The following KCNJ2 variants were observed in gnomAD, a reference collection of about 807,000 sequenced individuals.
The protein encoded by KCNJ2 is potassium inwardly rectifying channel subfamily J member 2.
KCNJ2 carries 12 observed loss-of-function variants against 28.4 expected under a neutral mutation model. The ratio of observed to expected loss-of-function variants is 0.42; its 90% CI spans 0.27 to 0.68. The LOEUF is 0.68. Ranked by LOEUF, KCNJ2 falls within the 30% of genes least tolerant of loss-of-function variation. The pLI, the probability that KCNJ2 is intolerant of heterozygous loss-of-function variation, is 0.23. For synonymous variants in KCNJ2, 200 were observed against 203.2 expected (o/e 0.98, Z 0.13); for missense variants, 320 against 551.3 (o/e 0.58, Z 4.20).
rs2074406809 is a variant in KCNJ2, at chr17:70,178,189, T to C, written c.*1866T>C. ...TAGAATCATGTATTTTGTAAACTGATGTTTGTGATGGTCTCTGGTTCTTGA... is the reference window on the plus strand; with the variant it reads ...TAGAATCATGTATTTTGTAAACTGACGTTTGTGATGGTCTCTGGTTCTTGA... On this transcript the variant is annotated 3_prime_UTR_variant, in exon 2 of 2. Coordinates refer to ENST00000243457, the MANE Select transcript of KCNJ2 (RefSeq NM_000891.3). 6.0e-6 allele frequency: 1 copy of C among 167,058 alleles called. No homozygotes were observed. Among genetic ancestry groups the C allele is most frequent in the African/African-American group, 2.4e-5 (1 of 41,430 alleles). The allele number at this position is 167,058 out of a possible 1,614,324, so 10.3% of individuals were successfully genotyped here. A position where few individuals can be genotyped will look rare whatever the true frequency, so the allele number is the denominator to read the frequency against.
At position 70,175,332 on chromosome 17, in the gene KCNJ2, T is replaced by G; in HGVS notation, c.293T>G (p.Phe98Cys). The change falls in exon 2 of 2, where the codon TTT becomes TGT. Residue 98 changes from phenylalanine to cysteine, a missense_variant. Transcript: ENST00000243457. The surrounding 1 kb of genome is among the most constrained non-coding windows in gnomAD (Gnocchi z 8.3). ...FCLAFVLSWL[F>C]FGCVFWLIAL... ...CTGGCTTTCGTCCTGTCATGGCTGT[T>G]TTTTGGCTGTGTGTTTTGGTTGATA... is the stretch of plus-strand genomic sequence containing the variant. 1 of 1,614,144 alleles carries G rather than the reference T, an allele frequency of 6.2e-7. No individual in the cohort carries two copies. The highest frequency in any genetic ancestry group is 8.5e-7 in the Non-Finnish European group (1 of 1,180,012).
rs1002762249 is a variant in KCNJ2 at position 70,179,584 on chromosome 17, C to A, written c.*3261C>A. On this transcript the variant is annotated 3_prime_UTR_variant, in exon 2 of 2. Coordinates refer to ENST00000243457, the MANE Select transcript of KCNJ2 (RefSeq NM_000891.3). Reference sequence around the variant, plus strand: ...GTTAATGCATTCTTTCTTCTCTTTACTTCCTTTCTTACCAGTACACTCCTA... The same window carrying A: ...GTTAATGCATTCTTTCTTCTCTTTAATTCCTTTCTTACCAGTACACTCCTA... The A allele has an allele frequency of 6.0e-6, 1 of 166,294 alleles. No homozygotes were observed. Among genetic ancestry groups the A allele is most frequent in the Non-Finnish European group, 1.5e-5 (1 of 68,090 alleles). The allele number at this position is 166,294 out of a possible 1,614,324, so 10.3% of individuals were successfully genotyped here.
intron 1 of KCNJ2, 49 bp from the exon 2 acceptor site, chr17:70,174,775 T>G (rs558495480): frequency 2.6e-4 from 141 of 536,926 alleles, no homozygotes; most frequent in African/African-American, 2.5e-3. Context: ...ACAGTAGAAT[T>G]CTTTAAGAGT....
chr17:70,174,782 G>A, intron 1 of KCNJ2, 42 bp from the exon 2 acceptor site: 1 of 548,084 alleles, frequency 1.8e-6, no homozygotes, highest in Admixed American at 3.1e-5. Flanking sequence ...AATTCTTTAA[G>A]AGTGGCTTAT....
intron 1 of KCNJ2, among the ~76,000 whole-genome samples, chr17:70,170,239 C>T (rs1031898155): frequency 2.0e-5 from 3 of 151,874 alleles, no homozygotes; most frequent in African/African-American, 4.8e-5. Flanking sequence ...AGTTGCCTTC[C>T]TGAAAGAAGA....
In KCNJ2 at chr17:70,175,740, C is replaced by T; in HGVS notation, c.701C>T (p.Ser234Phe). ...EAHVRAQLLK[S>F]RITSEGEYIP... The stretch of plus-strand genomic sequence containing the variant: ...CATGTTCGAGCACAGCTCCTCAAAT[C>T]CAGAATTACTTCTGAAGGGGAGTAT... The change falls in exon 2 of 2, where the codon TCC becomes TTC. Residue 234 changes from serine (S) to phenylalanine (F), a missense_variant. Physicochemically the swap from Ser to Phe is radical, Grantham distance 155. Coordinates refer to ENST00000243457, the MANE Select transcript of KCNJ2 (RefSeq NM_000891.3). This position sits in a 1 kb window ranked among gnomAD's most constrained non-coding sequence, Gnocchi z 8.3. The T allele has an allele frequency of 6.2e-7, 1 of 1,614,170 alleles. No individual in the cohort carries two copies. Among genetic ancestry groups the T allele is most frequent in the Non-Finnish European group, 8.5e-7 (1 of 1,180,024 alleles).
rs772251587 is a variant in KCNJ2, at chr17:70,176,011, C to T, written c.972C>T (p.His324=). The T allele has an allele frequency of 6.2e-7, 1 of 1,614,086 alleles. No homozygotes were observed. Among genetic ancestry groups the T allele is most frequent in the Non-Finnish European group, 8.5e-7 (1 of 1,180,012 alleles). ...SYLANEILWG[H]RYEPVLFEEK... is the part of the protein sequence containing the mutation. ...TAGCAAATGAAATCCTGTGGGGCCA[C>T]CGCTATGAGCCTGTGCTCTTTGAAG... is the stretch of plus-strand genomic sequence containing the variant. Residue 324 remains histidine, a synonymous_variant, in exon 2 of 2, where the codon CAC becomes CAT. Coordinates refer to ENST00000243457, the MANE Select transcript of KCNJ2 (RefSeq NM_000891.3).
In KCNJ2 at chr17:70,176,676, A is replaced by G. The variant is rs1008903280; in HGVS notation, c.*353A>G. 12 of 322,146 alleles carry G rather than the reference A, an allele frequency of 3.7e-5. No homozygotes were observed. Among genetic ancestry groups the G allele is most frequent in the African/African-American group, 2.6e-4 (12 of 46,626 alleles). The allele number at this position is 322,146 out of a possible 1,614,324, so 20.0% of individuals were successfully genotyped here. A position where few individuals can be genotyped will look rare whatever the true frequency, so the allele number is the denominator to read the frequency against. On this transcript the variant is annotated 3_prime_UTR_variant, in exon 2 of 2. Coordinates refer to ENST00000243457, the MANE Select transcript of KCNJ2 (RefSeq NM_000891.3). ...GAACAAGGATGTTTTTAATGGCATA[A>G]CAAAGGCAAGACTCTGCCTTAATTT... is the stretch of plus-strand genomic sequence containing the variant.
In KCNJ2 at chr17:70,177,925, C is replaced by T. The variant is rs1286258327; in HGVS notation, c.*1602C>T. On this transcript the variant is annotated 3_prime_UTR_variant, in exon 2 of 2. Transcript: ENST00000243457. The stretch of plus-strand genomic sequence containing the variant: ...TCCTGTGGAGCCCTAGAGCAGGTTA[C>T]TAAGGAAGGACACATTGTTTTCCAG... The T allele has an allele frequency of 6.0e-6, 1 of 166,604 alleles. No individual in the cohort carries two copies. The highest frequency in any genetic ancestry group is 2.4e-5 in the African/African-American group (1 of 41,392). 10.3% of individuals were successfully genotyped at this position (166,604 alleles called of 1,614,324 possible). A position where few individuals can be genotyped will look rare whatever the true frequency, so the allele number is the denominator to read the frequency against.
chr17:70,173,068 T>G (rs1166909037), intron 1 of KCNJ2, among the ~76,000 whole-genome samples: 1 of 152,172 alleles, frequency 6.6e-6, no homozygotes, highest in African/African-American at 2.4e-5. Context: ...ATCATTTAGG[T>G]GTCAAAAGCT....
chr17:70,171,569 T>G (rs949191505), intron 1 of KCNJ2, among the ~76,000 whole-genome samples: 2 of 152,202 alleles, frequency 1.3e-5, no homozygotes. Context: ...TTGGAAGTAT[T>G]ACCTATATAG....
At position 70,177,589 on chromosome 17, in the gene KCNJ2, C is replaced by T. The variant is rs9894677; in HGVS notation, c.*1266C>T. 9,571 of 167,266 alleles carry T rather than the reference C, an allele frequency of 0.057. 1,017 individuals are homozygous for T. Among genetic ancestry groups the T allele is most frequent in the African/African-American group, 0.22 (9,061 of 41,524 alleles). The allele number at this position is 167,266 out of a possible 1,614,324, so 10.4% of individuals were successfully genotyped here. A position where few individuals can be genotyped will look rare whatever the true frequency, so the allele number is the denominator to read the frequency against. Reference sequence around the variant, plus strand: ...GGGAAGATGCCACACCTGGCCTCCACACTTGCTCTTCTGATCAGTCTGTCT... The same window carrying T: ...GGGAAGATGCCACACCTGGCCTCCATACTTGCTCTTCTGATCAGTCTGTCT... On this transcript the variant is annotated 3_prime_UTR_variant, in exon 2 of 2. Coordinates refer to ENST00000243457, the MANE Select transcript of KCNJ2 (RefSeq NM_000891.3).
chr17:70,174,962 A>G lies in KCNJ2; in HGVS notation c.-78A>G. 1 of 1,423,808 alleles carries G rather than the reference A, an allele frequency of 7.0e-7. No homozygotes were observed. The highest frequency in any genetic ancestry group is 9.8e-7 in the Non-Finnish European group (1 of 1,021,422). 88.2% of individuals were successfully genotyped at this position (1,423,808 alleles called of 1,614,324 possible). On this transcript the variant is annotated 5_prime_UTR_variant, in exon 2 of 2. Coordinates refer to ENST00000243457, the MANE Select transcript of KCNJ2 (RefSeq NM_000891.3). ...TGTGTGTGTCTTCACCGAACATTCA[A>G]AACTGTTTCTCCAAAGCGTTTTGCA...
rs2074397850 is a variant in KCNJ2, at chr17:70,177,136, C to T, written c.*813C>T. ...AAATCAAGAGACAATAACTTTGAAC[C>T]TCAGCAAGACCTTGAACCGCCGGTT... On this transcript the variant is annotated 3_prime_UTR_variant, in exon 2 of 2. Coordinates refer to ENST00000243457, the MANE Select transcript of KCNJ2 (RefSeq NM_000891.3). The T allele has an allele frequency of 6.0e-6, 1 of 167,136 alleles. No homozygotes were observed. The highest frequency in any genetic ancestry group is 2.1e-4 in the South Asian group (1 of 4,834). 10.4% of individuals were successfully genotyped at this position (167,136 alleles called of 1,614,324 possible). A position where few individuals can be genotyped will look rare whatever the true frequency, so the allele number is the denominator to read the frequency against.
At chr17:70,170,333 T>A (rs2074358631) in intron 1 of KCNJ2, among the ~76,000 whole-genome samples, 1 of 152,190 alleles carries the variant, frequency 6.6e-6, no homozygotes, top group South Asian at 2.1e-4. Context: ...TTTGTTATTT[T>A]CAGTAATAAT....
At chr17:70,172,088 G>C (rs1290288380) in intron 1 of KCNJ2, among the ~76,000 whole-genome samples, 1 of 151,852 alleles carries the variant, frequency 6.6e-6, no homozygotes, top group Non-Finnish European at 1.5e-5. Flanking sequence ...GAAGTTTTCT[G>C]CTTGCTTAAA....
rs1395664057 is a variant in KCNJ2 at position 70,177,311 on chromosome 17, C to A, written c.*988C>A. On this transcript the variant is annotated 3_prime_UTR_variant, in exon 2 of 2. Transcript: ENST00000243457. ...CACACACACAATACCGACGTCTATCCTTTCCTGCTAGGCAGTGCTGGCCAG... is the reference window on the plus strand; with the variant it reads ...CACACACACAATACCGACGTCTATCATTTCCTGCTAGGCAGTGCTGGCCAG... The A allele has an allele frequency of 1.8e-5, 3 of 167,184 alleles. No homozygotes were observed. Among genetic ancestry groups the A allele is most frequent in the South Asian group, 2.1e-4 (1 of 4,826 alleles). The allele number at this position is 167,184 out of a possible 1,614,324, so 10.4% of individuals were successfully genotyped here.
At position 70,177,747 on chromosome 17, in the gene KCNJ2, G is replaced by GTAATGAATATGTCT. The variant is rs1567823677; in HGVS notation, c.*1424_*1425insTAATGAATATGTCT. 1 of 167,104 alleles carries GTAATGAATATGTCT rather than the reference G, an allele frequency of 6.0e-6. No individual in the cohort carries two copies. The allele number at this position is 167,104 out of a possible 1,614,324, so 10.4% of individuals were successfully genotyped here. On this transcript the variant is annotated 3_prime_UTR_variant, in exon 2 of 2. Transcript: ENST00000243457. Reference sequence around the variant, plus strand: ...GGAGAGGAAACTTGCCTTTTTTATGGCAGAGGATAGTAATGAAAATGTCTC... The same window carrying GTAATGAATATGTCT: ...GGAGAGGAAACTTGCCTTTTTTATGGTAATGAATATGTCTCAGAGGATAGTAATGAAAATGTCTC...
At chr17:70,173,271 T>G (rs563267097) in intron 1 of KCNJ2, among the ~76,000 whole-genome samples, 1 of 152,348 alleles carries the variant, frequency 6.6e-6, no homozygotes, top group South Asian at 2.1e-4. Flanking sequence ...GCTTTATTTG[T>G]TTGCGGCTGG....
Sources: gnomAD v4.1 joint callset for allele counts (sites outside exome capture counted in the v4.1 genomes callset) on GRCh38, gnomAD v4.1.1 for gene constraint, Gnocchi (gnomAD v3.1) non-coding constraint, MANE v1.5 for transcripts, NCBI Gene and HGNC (gene_info 2026-07-23, HGNC 2026-07-21) for gene names.